HTR4: variants seen among roughly 807,000 people sequenced by gnomAD.
HTR4 encodes the protein 5-hydroxytryptamine receptor 4, also known as 5-hydroxytryptamine (serotonin) receptor 4, G protein-coupled.
HTR4 carries 16 observed loss-of-function variants against 36.8 expected under a neutral mutation model. That is an observed-to-expected ratio of 0.43 (90% CI 0.29 to 0.66). HTR4 has a LOEUF of 0.66. Among genes scored for constraint, HTR4 ranks in the 30% least tolerant of loss-of-function variants. The pLI, the probability that HTR4 is intolerant of heterozygous loss-of-function variation, is 0.13. For synonymous variants in HTR4, 189 were observed against 185.1 expected (o/e 1.02, Z -0.17); for missense variants, 438 against 490.9 (o/e 0.89, Z 1.02).
At chr5:148,548,898 C>A in intron 3 of HTR4, 30 bp from the exon 4 acceptor site, 2 of 1,539,038 alleles carry the variant, frequency 1.3e-6, no homozygotes, top group African/African-American at 1.4e-5. Flanking sequence ...AGAGAGGAGG[C>A]AGGGGGAGGG....
At chr5:148,644,256 C>T (rs1241733208) in intron 1 of HTR4, among the ~76,000 whole-genome samples, 1 of 152,048 alleles carries the variant, frequency 6.6e-6, no homozygotes, top group African/African-American at 2.4e-5. Context: ...ATTAAGTACT[C>T]ATCAGGTCGT....
chr5:148,505,948 C>A (rs948363051), intron 6 of HTR4, among the ~76,000 whole-genome samples: 2 of 152,064 alleles, frequency 1.3e-5, no homozygotes, highest in African/African-American at 4.8e-5. Flanking sequence ...GCCATACTGC[C>A]CAAGGTAATT....
intron 4 of HTR4, among the ~76,000 whole-genome samples, chr5:148,529,421 C>T (rs1215534496): frequency 6.6e-6 from 1 of 152,116 alleles, no homozygotes; most frequent in Non-Finnish European, 1.5e-5. Flanking sequence ...GTGACTGGGT[C>T]TCACAAGATC....
chr5:148,625,026 A>C (rs1753044116), intron 2 of HTR4, among the ~76,000 whole-genome samples: 1 of 152,130 alleles, frequency 6.6e-6, no homozygotes, highest in East Asian at 1.9e-4. Context: ...GGGAGCATAG[A>C]GGGGAGGTCA....
At chr5:148,585,439 C>A (rs1467176477) in intron 2 of HTR4, among the ~76,000 whole-genome samples, 2 of 152,164 alleles carry the variant, frequency 1.3e-5, no homozygotes, top group Admixed American at 1.3e-4. Flanking sequence ...GATAGCTTAA[C>A]CTTCATCCAA....
At chr5:148,623,686 C>T (rs1443587974) in intron 2 of HTR4, among the ~76,000 whole-genome samples, 5 of 152,018 alleles carry the variant, frequency 3.3e-5, no homozygotes, top group Non-Finnish European at 7.4e-5. Flanking sequence ...TTTCTAGGAT[C>T]CTGAAGTGGG....
intron 3 of HTR4, 32 bp from the exon 4 acceptor site, chr5:148,548,900 G>T: frequency 1.3e-6 from 2 of 1,534,570 alleles, no homozygotes; most frequent in Non-Finnish European, 1.8e-6. Context: ...AGAGGAGGCA[G>T]GGGGAGGGAT....
At chr5:148,615,645 C>G (rs1022972164) in intron 2 of HTR4, among the ~76,000 whole-genome samples, 3 of 149,200 alleles carry the variant, frequency 2.0e-5, no homozygotes, top group African/African-American at 7.4e-5. Flanking sequence ...CTAACCTGCA[C>G]AATGTGCACA....
At chr5:148,549,025 T>A (rs118011200) in intron 3 of HTR4, among the ~76,000 whole-genome samples, 157 bp from the exon 4 acceptor site, 1 of 151,968 alleles carries the variant, frequency 6.6e-6, no homozygotes, top group Non-Finnish European at 1.5e-5. Flanking sequence ...ATGCTTAGTG[T>A]ATTCCGTGAG....
chr5:148,649,672 T>C (rs962966990), intron 1 of HTR4, among the ~76,000 whole-genome samples: 2 of 152,158 alleles, frequency 1.3e-5, no homozygotes, highest in Non-Finnish European at 2.9e-5. Context: ...GTACAATTGC[T>C]GAGAAAAAGC....
chr5:148,624,233 G>A (rs949599344), intron 2 of HTR4, among the ~76,000 whole-genome samples: 2 of 152,194 alleles, frequency 1.3e-5, no homozygotes, highest in Non-Finnish European at 2.9e-5. Flanking sequence ...TCTACAAATA[G>A]CTGTAATGTG....
intron 4 of HTR4, among the ~76,000 whole-genome samples, chr5:148,544,621 A>G (rs998622173): frequency 1.3e-5 from 2 of 152,222 alleles, no homozygotes; most frequent in African/African-American, 4.8e-5. Context: ...TAAAGCTTTT[A>G]AAGCAGTTTT....
chr5:148,480,177 C>T (rs1245774490), downstream of HTR4, among the ~76,000 whole-genome samples: 2 of 152,078 alleles, frequency 1.3e-5, no homozygotes, highest in Non-Finnish European at 2.9e-5. Flanking sequence ...TTCCATGTTA[C>T]TTTGAAGTTA....
At chr5:148,516,398 C>T (rs1343325095) in intron 5 of HTR4, among the ~76,000 whole-genome samples, 1 of 143,698 alleles carries the variant, frequency 7.0e-6, no homozygotes, top group African/African-American at 2.6e-5. Flanking sequence ...CGGCTCACTG[C>T]AACCTCCACC....
chr5:148,487,103 T>A (rs1483993465), intron 6 of HTR4, among the ~76,000 whole-genome samples: 1 of 42,186 alleles, frequency 2.4e-5, no homozygotes, highest in African/African-American at 1.8e-4. Flanking sequence ...TTGTCATATC[T>A]TTTTTTCACA....
intron 2 of HTR4, among the ~76,000 whole-genome samples, chr5:148,625,676 G>T (rs1047180050): frequency 6.6e-6 from 1 of 152,102 alleles, no homozygotes; most frequent in South Asian, 2.1e-4. Flanking sequence ...TGCCTCCCGG[G>T]TTCAAGCGAT....
At chr5:148,454,758 A>G (rs958462418) in intron 5 of HTR4, among the ~76,000 whole-genome samples, 1 of 152,202 alleles carries the variant, frequency 6.6e-6, no homozygotes, top group Non-Finnish European at 1.5e-5. Flanking sequence ...CTGGTATTAT[A>G]CAGAGGCGAG....
At chr5:148,487,473 A>G (rs1306383492) in intron 6 of HTR4, among the ~76,000 whole-genome samples, 1 of 152,172 alleles carries the variant, frequency 6.6e-6, no homozygotes, top group African/African-American at 2.4e-5. Flanking sequence ...TCAAAGGTCC[A>G]GAGGCTATGT....
chr5:148,485,120 C>T (rs1469801403), intron 6 of HTR4, among the ~76,000 whole-genome samples: 1 of 152,108 alleles, frequency 6.6e-6, no homozygotes, highest in Non-Finnish European at 1.5e-5. Context: ...GCCAAATCCC[C>T]TTTGTATCAT....
Sources: gnomAD v4.1 joint callset for allele counts (sites outside exome capture counted in the v4.1 genomes callset) on GRCh38, gnomAD v4.1.1 for gene constraint, MANE v1.5 for transcripts, NCBI Gene and HGNC (gene_info 2026-07-23, HGNC 2026-07-21) for gene names.